SYN3: variants seen among roughly 807,000 people sequenced by gnomAD.
SYN3 encodes the protein synapsin-3.
A neutral mutation model predicts 65.8 loss-of-function variants in SYN3; 35 were observed. The observed-to-expected ratio is 0.53, with a 90% CI of 0.41 to 0.70. The LOEUF (loss-of-function observed/expected upper bound fraction) is 0.70, where lower values mean the gene tolerates loss of function less well. Among genes scored for constraint, SYN3 ranks in the 30% least tolerant of loss-of-function variants. The pLI is 0.00. For synonymous variants in SYN3, 270 were observed against 292.9 expected (o/e 0.92, Z 0.80); for missense variants, 680 against 749.0 (o/e 0.91, Z 1.08).
intron 1 of SYN3, among the ~76,000 whole-genome samples, chr22:33,037,010 C>T (rs1027047447): frequency 4.6e-5 from 7 of 152,120 alleles, no homozygotes; most frequent in Admixed American, 3.3e-4. Context: ...TTCCAATCAC[C>T]CCTTTGAGTT....
At chr22:32,635,433 T>C (rs930648828) in intron 6 of SYN3, among the ~76,000 whole-genome samples, 36 of 152,340 alleles carry the variant, frequency 2.4e-4, no homozygotes, top group African/African-American at 8.4e-4. Context: ...CAGGGAAATA[T>C]TTACTCACAG....
At chr22:32,606,045 G>A (rs1272285589) in intron 6 of SYN3, among the ~76,000 whole-genome samples, 1 of 152,216 alleles carries the variant, frequency 6.6e-6, no homozygotes, top group Non-Finnish European at 1.5e-5. Flanking sequence ...CTAGTGGAGA[G>A]GCACAAATGA....
chr22:32,521,670 A>T (rs2057886289), intron 12 of SYN3, among the ~76,000 whole-genome samples: 4 of 151,388 alleles, frequency 2.6e-5, no homozygotes, highest in Admixed American at 2.6e-4. Context: ...CTGGTCTCGA[A>T]CTCCTGACCT....
intron 6 of SYN3, among the ~76,000 whole-genome samples, chr22:32,615,448 A>AAAAAAAG (rs1458941523): frequency 6.7e-6 from 1 of 149,450 alleles, no homozygotes; most frequent in African/African-American, 2.5e-5. Flanking sequence ...AAAAAAAAAA[A>AAAAAAAG]AAAGAAAAAA....
At chr22:32,914,110 C>T (rs143580095) in intron 4 of SYN3, among the ~76,000 whole-genome samples, 1 of 152,264 alleles carries the variant, frequency 6.6e-6, no homozygotes, top group African/African-American at 2.4e-5. Flanking sequence ...AACTGGGGCA[C>T]AGCAAGATTC....
chr22:32,597,068 G>C (rs1458618661), intron 6 of SYN3, among the ~76,000 whole-genome samples: 1 of 152,126 alleles, frequency 6.6e-6, no homozygotes, highest in Non-Finnish European at 1.5e-5. Flanking sequence ...CCATGCCTCA[G>C]TTTCTTCATT....
chr22:32,809,646 T>C (rs868224711), intron 6 of SYN3, among the ~76,000 whole-genome samples: 1 of 152,240 alleles, frequency 6.6e-6, no homozygotes, highest in African/African-American at 2.4e-5. Flanking sequence ...AATTAAAATA[T>C]AACTAGAACT....
intron 1 of SYN3, among the ~76,000 whole-genome samples, chr22:33,014,061 T>C (rs1006998369): frequency 7.4e-6 from 1 of 134,590 alleles, no homozygotes; most frequent in African/African-American, 3.0e-5. Context: ...TGTACTAAGA[T>C]GCCCAGCTAG....
intron 4 of SYN3, among the ~76,000 whole-genome samples, chr22:32,883,803 G>A (rs956656543): frequency 6.6e-6 from 1 of 152,248 alleles, no homozygotes; most frequent in Non-Finnish European, 1.5e-5. Context: ...CCTGTCCTAT[G>A]GCGTAGCTAA....
chr22:32,732,599 A>G (rs966761034), intron 6 of SYN3, among the ~76,000 whole-genome samples: 6 of 152,172 alleles, frequency 3.9e-5, no homozygotes. Context: ...GAGTCATTCA[A>G]TCTCCCTGGA....
intron 6 of SYN3, among the ~76,000 whole-genome samples, chr22:32,636,338 C>G (rs1036659620): frequency 6.6e-6 from 1 of 150,526 alleles, no homozygotes; most frequent in Non-Finnish European, 1.5e-5. Context: ...GGAGGCGGAG[C>G]TTGCAGTGAG....
chr22:32,558,150 AAAG>A (rs577419159), intron 7 of SYN3, among the ~76,000 whole-genome samples: 118 of 152,338 alleles, frequency 7.7e-4, no homozygotes, highest in African/African-American at 2.6e-3. Context: ...TGAAAAAAAG[AAAG>A]AAGGATTAGA....
At chr22:32,658,181 G>A (rs1463534650) in intron 6 of SYN3, among the ~76,000 whole-genome samples, 1 of 152,198 alleles carries the variant, frequency 6.6e-6, no homozygotes, top group Admixed American at 6.5e-5. Flanking sequence ...GAGAATAAAG[G>A]CAGAGCCTAG....
chr22:32,831,447 C>G (rs1167379442), intron 6 of SYN3, among the ~76,000 whole-genome samples: 1 of 152,116 alleles, frequency 6.6e-6, no homozygotes, highest in African/African-American at 2.4e-5. Flanking sequence ...ATGATCAGGG[C>G]AGCGGGGCTG....
At chr22:32,809,935 T>C (rs1180830604) in intron 6 of SYN3, among the ~76,000 whole-genome samples, 3 of 152,212 alleles carry the variant, frequency 2.0e-5, no homozygotes, top group African/African-American at 4.8e-5. Context: ...TTTACTGCCA[T>C]TGTCACTTCT....
intron 1 of SYN3, among the ~76,000 whole-genome samples, chr22:33,035,640 A>G (rs1305236405): frequency 6.6e-6 from 1 of 152,200 alleles, no homozygotes; most frequent in East Asian, 1.9e-4. Context: ...GTGCAGTAGC[A>G]CGATCACAGC....
chr22:32,579,050 A>AT (rs1447641676), intron 7 of SYN3, among the ~76,000 whole-genome samples: 1 of 152,174 alleles, frequency 6.6e-6, no homozygotes, highest in Non-Finnish European at 1.5e-5. Flanking sequence ...ACTATGTTTC[A>AT]TATGTGTAAA....
chr22:32,960,507 A>T (rs769462554), intron 3 of SYN3, among the ~76,000 whole-genome samples: 3 of 152,154 alleles, frequency 2.0e-5, no homozygotes, highest in Non-Finnish European at 4.4e-5. Context: ...CCCCGCCTGC[A>T]TGTGGCATGG....
intron 1 of SYN3, among the ~76,000 whole-genome samples, chr22:33,024,703 G>A (rs1317559127): frequency 2.0e-5 from 3 of 152,120 alleles, no homozygotes; most frequent in African/African-American, 4.8e-5. Flanking sequence ...ATTATAATCC[G>A]GAATGCATGA....
Sources: gnomAD v4.1 joint callset for allele counts (sites outside exome capture counted in the v4.1 genomes callset) on GRCh38, gnomAD v4.1.1 for gene constraint, MANE v1.5 for transcripts, NCBI Gene and HGNC (gene_info 2026-07-23, HGNC 2026-07-21) for gene names.